The following SLC38A6 variants were observed in gnomAD, a reference collection of about 807,000 sequenced individuals.
SLC38A6 encodes N system amino acid transporter NAT-1.
SLC38A6 carries 73 observed loss-of-function variants against 65.0 expected under a neutral mutation model. The ratio of observed to expected loss-of-function variants is 1.12; its 90% CI spans 0.93 to 1.37. SLC38A6 has a LOEUF of 1.37. Among genes scored for constraint, SLC38A6 ranks in the 40% most tolerant of loss-of-function variants. SLC38A6 has a pLI of 0.00. For synonymous variants in SLC38A6, 183 were observed against 178.8 expected (o/e 1.02, Z -0.19); for missense variants, 561 against 531.1 (o/e 1.06, Z -0.55).
chr14:61,048,264 C>T, intron 12 of SLC38A6: 1 of 400,492 alleles, frequency 2.5e-6, no homozygotes, highest in South Asian at 1.9e-5. Context: ...AACTAAAGCC[C>T]AGAGAGGTGA....
intron 15 of SLC38A6, among the ~76,000 whole-genome samples, chr14:61,076,552 A>G (rs2043426140): frequency 1.3e-5 from 2 of 152,248 alleles, no homozygotes; most frequent in Non-Finnish European, 2.9e-5. Flanking sequence ...CTGAAGTTTG[A>G]CTATAAAGGC....
intron 3 of SLC38A6, chr14:60,987,027 T>G: frequency 2.4e-6 from 1 of 419,784 alleles, no homozygotes. Context: ...TTCTCTTCTT[T>G]TTTCTTTTTC....
At chr14:61,068,005 T>C (rs921756143) in intron 15 of SLC38A6, among the ~76,000 whole-genome samples, 2 of 152,142 alleles carry the variant, frequency 1.3e-5, no homozygotes, top group African/African-American at 4.8e-5. Context: ...TTGTTATTAA[T>C]CTATACTTTG....
chr14:61,016,687 G>A (rs1457247248), intron 4 of SLC38A6, among the ~76,000 whole-genome samples: 1 of 152,090 alleles, frequency 6.6e-6, no homozygotes, highest in African/African-American at 2.4e-5. Context: ...AATTTCTGAA[G>A]AACTACTATA....
At chr14:61,002,974 T>C (rs1380309163) in intron 3 of SLC38A6, among the ~76,000 whole-genome samples, 1 of 152,070 alleles carries the variant, frequency 6.6e-6, no homozygotes, top group Non-Finnish European at 1.5e-5. Context: ...CATCTTATTT[T>C]TGTATCTCTC....
intron 3 of SLC38A6, among the ~76,000 whole-genome samples, chr14:61,013,804 G>C (rs1490885401): frequency 6.6e-6 from 1 of 152,102 alleles, no homozygotes; most frequent in African/African-American, 2.4e-5. Flanking sequence ...TTTCTCTCTG[G>C]CTGCCCTTAA....
rs553947793 is a variant in SLC38A6, at chr14:61,019,354, A to C, written c.364-187A>C. 5.3e-5 allele frequency among the ~76,000 whole-genome samples: 8 copies of C among 152,336 alleles called. No homozygotes were observed. In the South Asian group the frequency reaches 1.0e-3, roughly 20 times the overall value. Reference sequence around the variant, plus strand: ...CTTTATAGTAACTTTGGAACTATTAAAGAAATACTTTTTAATGTGATGATT... The same window carrying C: ...CTTTATAGTAACTTTGGAACTATTACAGAAATACTTTTTAATGTGATGATT... On this transcript the variant is annotated intron_variant, in intron 4 of 15. Transcript: ENST00000267488.
intron 15 of SLC38A6, among the ~76,000 whole-genome samples, chr14:61,065,133 C>G (rs1336542216): frequency 1.3e-5 from 2 of 152,002 alleles, no homozygotes; most frequent in African/African-American, 4.8e-5. Context: ...TGTGTGTATG[C>G]TTTTCCATCT....
At position 61,013,716 on chromosome 14, in the gene SLC38A6, A is replaced by C. The variant is rs191306789; in HGVS notation, c.311-2188A>C. 4.8e-3 allele frequency among the ~76,000 whole-genome samples: 725 copies of C among 152,300 alleles called. 5 individuals are homozygous for C. Among genetic ancestry groups the C allele is most frequent in the African/African-American group, 0.017 (692 of 41,556 alleles). On this transcript the variant is annotated intron_variant, in intron 3 of 15. Transcript: ENST00000267488. ...TTAAGAATGTTGAATATTGGCCCCC[A>C]ATGTCTTCTGGCTTGTGAAGTTTCT...
In SLC38A6 at chr14:61,046,049, G is replaced by A. The variant is rs764732239; in HGVS notation, c.825-18G>A. The stretch of plus-strand genomic sequence containing the variant: ...AATTCAGATCACTTATTCTACCTTT[G>A]TCATTTTTGTCTTTTAGTCCTTCAA... On this transcript the variant is annotated intron_variant, in intron 11 of 15. Transcript: ENST00000267488. 1.7e-5 allele frequency: 25 copies of A among 1,484,560 alleles called. No individual in the cohort carries two copies. The highest frequency in any genetic ancestry group is 2.3e-5 in the Non-Finnish European group (25 of 1,067,406). 92.0% of individuals were successfully genotyped at this position (1,484,560 alleles called of 1,614,324 possible).
At chr14:61,032,922 G>A (rs188789103) in intron 6 of SLC38A6, among the ~76,000 whole-genome samples, 1 of 151,798 alleles carries the variant, frequency 6.6e-6, no homozygotes, top group Admixed American at 6.6e-5. Context: ...GGTTATCTGC[G>A]AGCTTGGTGT....
intron 5 of SLC38A6, among the ~76,000 whole-genome samples, chr14:61,024,364 T>C (rs2040499448): frequency 6.6e-6 from 1 of 152,198 alleles, no homozygotes; most frequent in African/African-American, 2.4e-5. Flanking sequence ...TACTAATGAA[T>C]AACAGGCTCA....
At position 60,984,816 on chromosome 14, in the gene SLC38A6, G is replaced by A. The variant is rs1157395636; in HGVS notation, c.310+13G>A. ...TGTATTCAGACAGGTGAGTAAAAAT[G>A]TTATGCTGCTTCATTTAATAAAGGA... On this transcript the variant is annotated intron_variant, in intron 3 of 15. Coordinates refer to ENST00000267488, the MANE Select transcript of SLC38A6 (RefSeq NM_153811.3). The A allele has an allele frequency of 1.2e-6, 2 of 1,611,634 alleles. No individual in the cohort carries two copies. Among genetic ancestry groups the A allele is most frequent in the Admixed American group, 3.3e-5 (2 of 60,004 alleles).
rs141415779 is a variant in SLC38A6 at position 60,981,303 on chromosome 14, A to G, written c.26A>G (p.Asn9Ser). ...ATGGAGGCGTCCTGGGGGAGCTTCA[A>G]CGCTGAGCGGGGCTGGTATGTCTCT... MEASWGSF[N>S]AERGWYVSVQ... The change falls in exon 1 of 16, where the codon AAC (asparagine) becomes AGC (serine). Residue 9 changes from asparagine (N) to serine (S), a missense_variant. Physicochemically the swap from Asn to Ser is conservative, Grantham distance 46. Coordinates refer to ENST00000267488, the MANE Select transcript of SLC38A6 (RefSeq NM_153811.3). 500 of 1,609,624 alleles carry G rather than the reference A, an allele frequency of 3.1e-4. 3 individuals carry two copies. Among genetic ancestry groups the G allele is most frequent in the South Asian group, 3.1e-3 (275 of 89,698 alleles).
At chr14:61,003,209 C>T (rs1251054863) in intron 3 of SLC38A6, among the ~76,000 whole-genome samples, 1 of 151,778 alleles carries the variant, frequency 6.6e-6, no homozygotes, top group African/African-American at 2.4e-5. Flanking sequence ...TATTGGAAAC[C>T]GTTCCCTGCC....
chr14:60,982,469 G>A (rs745813656), intron 1 of SLC38A6, 39 bp from the exon 2 acceptor site: 1 of 1,584,596 alleles, frequency 6.3e-7, no homozygotes, highest in South Asian at 1.2e-5. Context: ...TAACTTCACC[G>A]TCCAAACATT....
chr14:61,052,317 C>G, intron 15 of SLC38A6, 32 bp from the exon 16 acceptor site: 1 of 1,507,066 alleles, frequency 6.6e-7, no homozygotes, highest in Non-Finnish European at 8.9e-7. Flanking sequence ...TTTTATCTTT[C>G]TTATCTTTTA....
chr14:61,017,302 C>A (rs10145977), intron 4 of SLC38A6, among the ~76,000 whole-genome samples: 105,206 of 152,094 alleles, frequency 0.69, 36,559 homozygotes, highest in African/African-American at 0.73. Context: ...GGCCTCCCAA[C>A]GTGCTGGGAT....
At chr14:61,044,855 T>C (rs1344408566) in intron 10 of SLC38A6, among the ~76,000 whole-genome samples, 1 of 152,214 alleles carries the variant, frequency 6.6e-6, no homozygotes, top group Admixed American at 6.5e-5. Flanking sequence ...AATATTAAAA[T>C]GTGATTAATA....
Sources: gnomAD v4.1 joint callset for allele counts (sites outside exome capture counted in the v4.1 genomes callset) on GRCh38, gnomAD v4.1.1 for gene constraint, MANE v1.5 for transcripts, NCBI Gene and HGNC (gene_info 2026-07-23, HGNC 2026-07-21) for gene names.